ST7: variants seen among roughly 807,000 people sequenced by gnomAD.
The protein encoded by ST7 is suppression of tumorigenicity 7.
Under a neutral mutation model 78.7 loss-of-function variants are expected in ST7, and 28 were observed. The observed-to-expected ratio is 0.36, with a 90% confidence interval of 0.26 to 0.49. The LOEUF (loss-of-function observed/expected upper bound fraction) is 0.49, where lower values mean the gene tolerates loss of function less well. Among genes scored for constraint, ST7 ranks in the 20% least tolerant of loss-of-function variants. The pLI is 0.99. For missense variants in ST7, 418 were observed against 696.0 expected (o/e 0.60, Z 4.49); for synonymous variants, 247 against 249.6 (o/e 0.99, Z 0.10).
At chr7:117,177,145 A>G (rs1808401209) in intron 10 of ST7, among the ~76,000 whole-genome samples, 1 of 152,240 alleles carries the variant, frequency 6.6e-6, no homozygotes, top group African/African-American at 2.4e-5. Flanking sequence ...GATGCTCTAC[A>G]GATTTGGACA....
intron 1 of ST7, chr7:116,954,764 A>G (rs190789550): frequency 4.3e-6 from 1 of 230,164 alleles, no homozygotes; most frequent in East Asian, 1.2e-4. Flanking sequence ...ACATATGTAC[A>G]CATATATATC....
intron 1 of ST7, among the ~76,000 whole-genome samples, chr7:117,082,426 AAAT>A (rs1443786858): frequency 5.9e-5 from 9 of 152,244 alleles, no homozygotes; most frequent in African/African-American, 1.9e-4. Context: ...TCTACCCTTG[AAAT>A]AATAATATTT....
intron 2 of ST7, 114 bp downstream of exon 2, chr7:117,099,958 C>T: frequency 1.4e-6 from 1 of 715,650 alleles, no homozygotes; most frequent in Non-Finnish European, 2.2e-6. Context: ...CAGTGATTAT[C>T]TTGCACATGT....
chr7:117,228,145 CTT>C (rs1793568516), intron 15 of ST7, among the ~76,000 whole-genome samples: 1 of 152,226 alleles, frequency 6.6e-6, no homozygotes, highest in African/African-American at 2.4e-5. Flanking sequence ...CCATCTCTCT[CTT>C]TTGATATTCC....
At chr7:117,038,431 C>T (rs1797009071) in intron 1 of ST7, among the ~76,000 whole-genome samples, 2 of 151,686 alleles carry the variant, frequency 1.3e-5, no homozygotes, top group South Asian at 4.2e-4. Context: ...TGTCTTAATA[C>T]CAATAAAAAA....
chr7:117,098,904 C>A, intron 1 of ST7: 1 of 1,155,810 alleles, frequency 8.7e-7, no homozygotes, highest in Non-Finnish European at 1.2e-6. Context: ...GTATAAAATA[C>A]TTGTAAGTGA....
At chr7:117,125,870 T>A (rs990271273) in intron 3 of ST7, among the ~76,000 whole-genome samples, 1 of 152,064 alleles carries the variant, frequency 6.6e-6, no homozygotes, top group African/African-American at 2.4e-5. Context: ...AAATATGATG[T>A]TGCAGGGTTT....
chr7:117,028,632 C>A (rs1033021078), intron 1 of ST7, among the ~76,000 whole-genome samples: 1 of 152,118 alleles, frequency 6.6e-6, no homozygotes, highest in African/African-American at 2.4e-5. Context: ...TTTCAGTTAC[C>A]CATTGCTACA....
intron 1 of ST7, among the ~76,000 whole-genome samples, chr7:116,977,708 C>T (rs750392360): frequency 6.6e-6 from 1 of 152,158 alleles, no homozygotes; most frequent in African/African-American, 2.4e-5. Flanking sequence ...TGTGCCACCA[C>T]GCCCAGCTAA....
intron 1 of ST7, among the ~76,000 whole-genome samples, chr7:117,043,318 A>T (rs901643243): frequency 6.6e-6 from 1 of 152,178 alleles, no homozygotes; most frequent in Non-Finnish European, 1.5e-5. Flanking sequence ...AGTTGTTGTT[A>T]GAAATTGGTG....
intron 9 of ST7, chr7:117,146,038 TA>T: frequency 6.6e-6 from 1 of 152,254 alleles, no homozygotes; most frequent in South Asian, 2.1e-4. Flanking sequence ...ACAGGGTTTT[TA>T]GTTTTTATCA....
chr7:117,012,221 G>A (rs1056475766), intron 1 of ST7, among the ~76,000 whole-genome samples: 5 of 151,952 alleles, frequency 3.3e-5, no homozygotes, highest in Middle Eastern at 3.4e-3. Flanking sequence ...TTATGAATTC[G>A]GAACTGAACT....
At chr7:117,176,400 A>G (rs768061857) in intron 10 of ST7, among the ~76,000 whole-genome samples, 25 of 152,222 alleles carry the variant, frequency 1.6e-4, no homozygotes, top group Non-Finnish European at 2.4e-4. Context: ...TGTTTCTAAC[A>G]TTGGAGGAAA....
chr7:117,199,755 C>T (rs546369196), intron 12 of ST7, among the ~76,000 whole-genome samples: 21 of 152,338 alleles, frequency 1.4e-4, no homozygotes, highest in African/African-American at 3.6e-4. Context: ...GAAGACAGAC[C>T]GGGCCGTGCC....
chr7:117,177,013 C>T (rs897892535), intron 10 of ST7, among the ~76,000 whole-genome samples: 8 of 152,058 alleles, frequency 5.3e-5, no homozygotes, highest in Non-Finnish European at 1.0e-4. Context: ...AAAAGATGGG[C>T]GAATGAACCA....
chr7:117,069,634 C>T (rs1219922036), intron 1 of ST7, among the ~76,000 whole-genome samples: 1 of 152,206 alleles, frequency 6.6e-6, no homozygotes, highest in East Asian at 1.9e-4. Context: ...TGACTTGTTA[C>T]TTCTGTGGAG....
chr7:117,002,934 T>C (rs1456792053), intron 1 of ST7, among the ~76,000 whole-genome samples: 1 of 148,174 alleles, frequency 6.7e-6, no homozygotes, highest in African/African-American at 2.5e-5. Context: ...GCAATTCTTC[T>C]GCTTCAGCCT....
chr7:117,181,589 C>A (rs1048875966), intron 10 of ST7, among the ~76,000 whole-genome samples: 1 of 152,068 alleles, frequency 6.6e-6, no homozygotes, highest in Non-Finnish European at 1.5e-5. Flanking sequence ...TGTATTAATA[C>A]GTTGCTGAGG....
chr7:117,092,195 C>T (rs1563074616), intron 1 of ST7, among the ~76,000 whole-genome samples: 1 of 142,530 alleles, frequency 7.0e-6, no homozygotes, highest in East Asian at 2.2e-4. Flanking sequence ...AGGAGAATGG[C>T]GTGAACCCGG....
Sources: allele counts gnomAD v4.1 joint callset (sites outside exome capture counted in the v4.1 genomes callset), GRCh38; gene constraint gnomAD v4.1.1; transcripts MANE v1.5; gene names NCBI Gene and HGNC (gene_info 2026-07-23, HGNC 2026-07-21).